HMBOX1: variants seen among roughly 807,000 people sequenced by gnomAD.
The protein encoded by HMBOX1 is homeobox-containing protein 1.
Under a neutral mutation model 54.5 loss-of-function variants are expected in HMBOX1, and 14 were observed. The ratio of observed to expected loss-of-function variants is 0.26; its 90% CI spans 0.17 to 0.40. The LOEUF (loss-of-function observed/expected upper bound fraction) is 0.40, where lower values mean the gene tolerates loss of function less well. HMBOX1 is among the 10% of genes least tolerant of loss of function. The probability of loss-of-function intolerance (pLI) is 1.00; values close to 1 mark genes in which losing one functional copy is unlikely to be tolerated. For synonymous variants in HMBOX1, 160 were observed against 181.0 expected (o/e 0.88, Z 0.93); for missense variants, 332 against 514.4 (o/e 0.65, Z 3.43).
chr8:29,027,497 C>G (rs150531072), intron 6 of HMBOX1, among the ~76,000 whole-genome samples: 1 of 152,142 alleles, frequency 6.6e-6, no homozygotes, highest in Non-Finnish European at 1.5e-5. Flanking sequence ...AGGTGTGTCT[C>G]TGGAGCATTA....
intron 1 of HMBOX1, among the ~76,000 whole-genome samples, chr8:28,904,761 T>C (rs1813944886): frequency 6.6e-6 from 1 of 151,894 alleles, no homozygotes; most frequent in African/African-American, 2.4e-5. Flanking sequence ...CTGCAAGCTC[T>C]GCCTCCTGGG....
chr8:28,945,015 A>G (rs552912302), intron 1 of HMBOX1, among the ~76,000 whole-genome samples: 3 of 152,106 alleles, frequency 2.0e-5, no homozygotes, highest in Admixed American at 6.6e-5. Flanking sequence ...TGATTCTGCA[A>G]ACTCCCCCAC....
chr8:28,931,863 T>G (rs1819530854), intron 1 of HMBOX1, among the ~76,000 whole-genome samples: 1 of 152,196 alleles, frequency 6.6e-6, no homozygotes, highest in South Asian at 2.1e-4. Context: ...TTACATAATG[T>G]AATTACTAGG....
chr8:28,902,963 A>T (rs578131694), intron 1 of HMBOX1, among the ~76,000 whole-genome samples: 1 of 152,362 alleles, frequency 6.6e-6, no homozygotes, highest in South Asian at 2.1e-4. Context: ...ATTCTCTATG[A>T]TGGTGTCATA....
chr8:29,053,258 TC>T lies in HMBOX1; in HGVS notation c.*2105del, dbSNP rs1806603638. The T allele has an allele frequency of 1.3e-5, 2 of 152,108 alleles. No homozygotes were observed. The highest frequency in any genetic ancestry group is 2.9e-5 in the Non-Finnish European group (2 of 68,046). 9.4% of individuals were successfully genotyped at this position (152,108 alleles called of 1,614,324 possible). On this transcript the variant is annotated 3_prime_UTR_variant, in exon 10 of 10. Transcript: ENST00000287701. ...AAAAATATATGTACTTTTTTCAGCT[TC>T]CAAGCATTGAAGTGAAGTGGAGCCG...
intron 9 of HMBOX1, chr8:29,049,486 C>T (rs746685335): frequency 2.2e-5 from 32 of 1,452,006 alleles, no homozygotes; most frequent in East Asian, 1.0e-4. Context: ...ACGCAGGGCA[C>T]GATGGAAGGC....
At chr8:28,959,738 A>T (rs1045423631) in intron 1 of HMBOX1, among the ~76,000 whole-genome samples, 5 of 152,180 alleles carry the variant, frequency 3.3e-5, no homozygotes, top group Non-Finnish European at 7.4e-5. Context: ...TATTAGAATT[A>T]TGTTTTTTAA....
intron 1 of HMBOX1, among the ~76,000 whole-genome samples, chr8:28,939,978 G>A (rs933360753): frequency 1.1e-4 from 16 of 151,928 alleles, no homozygotes; most frequent in Non-Finnish European, 2.2e-4. Flanking sequence ...TCTATATAAT[G>A]TCTGCCCTTC....
intron 4 of HMBOX1, among the ~76,000 whole-genome samples, chr8:28,989,775 A>G (rs570721084): frequency 1.3e-5 from 2 of 152,366 alleles, no homozygotes; most frequent in Admixed American, 6.5e-5. Flanking sequence ...TGTTGAATAT[A>G]TAGCTCAATC....
chr8:28,955,471 T>G (rs1380424996), intron 1 of HMBOX1, among the ~76,000 whole-genome samples: 1 of 152,234 alleles, frequency 6.6e-6, no homozygotes, highest in South Asian at 2.1e-4. Context: ...TTTTCTTTTT[T>G]AAATCCTGAT....
At position 29,051,270 on chromosome 8, in the gene HMBOX1, G is replaced by A. The variant is rs1000079551; in HGVS notation, c.*115G>A. On this transcript the variant is annotated 3_prime_UTR_variant, in exon 10 of 10. Transcript: ENST00000287701. ...TAACTTGCAGTTTCTTGTATGTCAG[G>A]TAGCTGTTAGGGTCTTGTTCTGTGA... 4.0e-5 allele frequency: 46 copies of A among 1,148,666 alleles called. 1 individual carries two copies. The Admixed American group carries it at 5.2e-4, about 13-fold the overall frequency. The allele number at this position is 1,148,666 out of a possible 1,614,324, so 71.2% of individuals were successfully genotyped here.
chr8:28,965,805 G>T (rs977434236), intron 2 of HMBOX1, among the ~76,000 whole-genome samples: 1 of 152,164 alleles, frequency 6.6e-6, no homozygotes, highest in Non-Finnish European at 1.5e-5. Context: ...GTATTTTGAA[G>T]TCCAGTAGTT....
chr8:29,026,043 T>TACACACACACACACACACAC (rs35597688), intron 6 of HMBOX1, among the ~76,000 whole-genome samples: 1 of 143,482 alleles, frequency 7.0e-6, no homozygotes, highest in African/African-American at 2.6e-5. Context: ...TGCTACCATG[T>TACACACACACACACACACAC]ACACACACAC....
At chr8:29,032,898 A>G (rs1415372797) in intron 6 of HMBOX1, among the ~76,000 whole-genome samples, 2 of 152,106 alleles carry the variant, frequency 1.3e-5, no homozygotes, top group East Asian at 1.9e-4. Context: ...TAAAATCGTA[A>G]GGCATTCAAA....
chr8:28,984,305 T>C (rs1275736356), intron 4 of HMBOX1, among the ~76,000 whole-genome samples: 1 of 152,306 alleles, frequency 6.6e-6, no homozygotes, highest in East Asian at 1.9e-4. Context: ...CTCTAATATG[T>C]GAAATAAGTC....
chr8:28,920,175 A>G (rs1282183844), intron 1 of HMBOX1, among the ~76,000 whole-genome samples: 1 of 152,136 alleles, frequency 6.6e-6, no homozygotes, highest in African/African-American at 2.4e-5. Flanking sequence ...TTTTATTTAT[A>G]TTCGTTGTTT....
intron 1 of HMBOX1, among the ~76,000 whole-genome samples, 167 bp from the exon 2 acceptor site, chr8:28,963,644 G>T (rs995400017): frequency 2.0e-5 from 3 of 152,148 alleles, no homozygotes; most frequent in African/African-American, 7.2e-5. Context: ...AATTGAAAGG[G>T]ATCAAAGTGT....
At chr8:28,964,659 A>G (rs1203933446) in intron 2 of HMBOX1, among the ~76,000 whole-genome samples, 1 of 152,140 alleles carries the variant, frequency 6.6e-6, no homozygotes, top group Non-Finnish European at 1.5e-5. Context: ...TGACAGTTCT[A>G]TAATACAGTA....
At chr8:28,898,242 A>T (rs1012193016) in intron 1 of HMBOX1, among the ~76,000 whole-genome samples, 2 of 152,238 alleles carry the variant, frequency 1.3e-5, no homozygotes, top group Non-Finnish European at 1.5e-5. Flanking sequence ...ATTTCTATTA[A>T]AAAAAGACAA....
Sources: allele counts gnomAD v4.1 joint callset (sites outside exome capture counted in the v4.1 genomes callset), GRCh38; gene constraint gnomAD v4.1.1; transcripts MANE v1.5; gene names NCBI Gene and HGNC (gene_info 2026-07-23, HGNC 2026-07-21).